The following ELMO1 variants were observed in gnomAD, a reference collection of about 807,000 sequenced individuals.
The protein encoded by ELMO1 is engulfment and cell motility 1, also known as engulfment and cell motility protein 1.
In ELMO1, 26 loss-of-function variants were observed where a neutral mutation model predicts 98.9. The ratio of observed to expected loss-of-function variants is 0.26; its 90% CI spans 0.19 to 0.36. The LOEUF is 0.36. Among genes scored for constraint, ELMO1 ranks in the 10% least tolerant of loss-of-function variants. The pLI is 1.00. For missense variants in ELMO1, 627 were observed against 935.2 expected, an observed-to-expected ratio of 0.67 and a Z score of 4.30; for synonymous variants, 346 against 346.0, an observed-to-expected ratio of 1.00 and a Z score of 0.00.
intron 2 of ELMO1, among the ~76,000 whole-genome samples, chr7:37,319,600 G>A (rs138834216): frequency 0.011 from 1,604 of 152,164 alleles, 12 homozygotes; most frequent in Non-Finnish European, 0.017. Context: ...CTTCCCTAGC[G>A]AATCAACCCA....
At chr7:37,075,450 C>A (rs1437547842) in intron 15 of ELMO1, among the ~76,000 whole-genome samples, 1 of 152,056 alleles carries the variant, frequency 6.6e-6, no homozygotes, top group African/African-American at 2.4e-5. Context: ...CCACCACGCC[C>A]GGCCTCATTA....
At chr7:37,335,038 G>T (rs1384877927) in intron 2 of ELMO1, among the ~76,000 whole-genome samples, 1 of 152,180 alleles carries the variant, frequency 6.6e-6, no homozygotes, top group Non-Finnish European at 1.5e-5. Flanking sequence ...GGATACAAAT[G>T]TATGTAAGCC....
rs1805145690 is a variant in ELMO1, at chr7:36,887,675, G to A, written c.1602-3C>T. 3.7e-6 allele frequency: 6 copies of A among 1,613,550 alleles called. No individual in the cohort carries two copies. The highest frequency in any genetic ancestry group is 5.1e-6 in the Non-Finnish European group (6 of 1,179,664). On this transcript the variant is annotated splice_region_variant and splice_polypyrimidine_tract_variant and intron_variant, in intron 17 of 21. Coordinates refer to ENST00000310758, the MANE Select transcript of ELMO1 (RefSeq NM_014800.11). ...GCTGAATCTTCTCCTTTAGTTCCCT[G>A]TTAGAGGAAAAACACATATTCCACA...
At chr7:36,911,568 T>C (rs1449569609) in intron 16 of ELMO1, among the ~76,000 whole-genome samples, 1 of 152,220 alleles carries the variant, frequency 6.6e-6, no homozygotes, top group Non-Finnish European at 1.5e-5. Context: ...ATAAGCTCTT[T>C]AAGCAGGTTT....
chr7:36,929,907 G>T (rs1009949897), intron 16 of ELMO1, among the ~76,000 whole-genome samples: 1 of 152,116 alleles, frequency 6.6e-6, no homozygotes, highest in Non-Finnish European at 1.5e-5. Context: ...ATATCCCTTC[G>T]GGAGCAATTG....
intron 13 of ELMO1, among the ~76,000 whole-genome samples, chr7:37,167,175 G>C (rs1367829516): frequency 6.7e-6 from 1 of 150,342 alleles, no homozygotes; most frequent in South Asian, 2.1e-4. Flanking sequence ...GCCTTTTTTT[G>C]TTTTCCATTT....
chr7:37,354,021 T>G (rs1222529089), intron 1 of ELMO1, among the ~76,000 whole-genome samples: 1 of 152,234 alleles, frequency 6.6e-6, no homozygotes, highest in African/African-American at 2.4e-5. Context: ...CAGTTTCTCT[T>G]AAAGATCTCC....
At chr7:37,160,165 G>C (rs1789103590) in intron 13 of ELMO1, among the ~76,000 whole-genome samples, 1 of 152,176 alleles carries the variant, frequency 6.6e-6, no homozygotes, top group African/African-American at 2.4e-5. Context: ...CAGTGATTAT[G>C]CTATCTTCTC....
At chr7:37,373,258 A>C (rs1047890959) in intron 1 of ELMO1, among the ~76,000 whole-genome samples, 1 of 152,140 alleles carries the variant, frequency 6.6e-6, no homozygotes, top group African/African-American at 2.4e-5. Context: ...ATCAATTTAC[A>C]CTTCTGTAGT....
At chr7:37,433,016 T>C (rs1261366136) in intron 1 of ELMO1, among the ~76,000 whole-genome samples, 1 of 152,200 alleles carries the variant, frequency 6.6e-6, no homozygotes, top group Non-Finnish European at 1.5e-5. Context: ...GGAATGACAC[T>C]AAGGCAGTAA....
At chr7:37,316,029 A>C in intron 2 of ELMO1, 69 bp from the exon 3 acceptor site, 1 of 1,236,442 alleles carries the variant, frequency 8.1e-7, no homozygotes, top group Non-Finnish European at 1.1e-6. Flanking sequence ...AAAAAGAAGA[A>C]GCTTCATAAA....
chr7:36,872,572 G>C (rs958286743), intron 19 of ELMO1, among the ~76,000 whole-genome samples: 3 of 152,144 alleles, frequency 2.0e-5, no homozygotes, highest in African/African-American at 4.8e-5. Context: ...TCTTCCTGTG[G>C]GTGGTCCCTA....
At chr7:37,081,113 C>T (rs1018243439) in intron 15 of ELMO1, among the ~76,000 whole-genome samples, 1 of 152,018 alleles carries the variant, frequency 6.6e-6, no homozygotes, top group African/African-American at 2.4e-5. Context: ...TGCTATAGCC[C>T]CAGTGCTAAC....
At chr7:36,972,162 A>T (rs1005658602) in intron 16 of ELMO1, among the ~76,000 whole-genome samples, 1 of 152,172 alleles carries the variant, frequency 6.6e-6, no homozygotes, top group African/African-American at 2.4e-5. Context: ...AGGTATTATT[A>T]TTCTATTTTA....
intron 4 of ELMO1, among the ~76,000 whole-genome samples, chr7:37,306,461 G>C (rs1191387959): frequency 6.6e-6 from 1 of 152,210 alleles, no homozygotes; most frequent in African/African-American, 2.4e-5. Context: ...CCTCAGCTCA[G>C]GGAGTGCATG....
chr7:36,900,596 G>A (rs1215333631), intron 16 of ELMO1, among the ~76,000 whole-genome samples: 3 of 152,198 alleles, frequency 2.0e-5, no homozygotes. Context: ...CCAGGGCAGA[G>A]TTGGAAGGGG....
chr7:36,877,418 A>T (rs1197781367), intron 19 of ELMO1, among the ~76,000 whole-genome samples: 2 of 152,246 alleles, frequency 1.3e-5, no homozygotes, highest in Admixed American at 1.3e-4. Flanking sequence ...AGAATCCTGC[A>T]CATTACTGTC....
In ELMO1 at chr7:37,259,261, G is replaced by A. The variant is rs1383315199; in HGVS notation, c.333C>T (p.Ser111=). The change falls in exon 6 of 22, where the codon TCC becomes TCT. Residue 111 remains serine (S), a synonymous_variant. Coordinates refer to ENST00000310758, the MANE Select transcript of ELMO1 (RefSeq NM_014800.11). ...ACTCCTGGGCAAACGTGACATCCCG[G>A]GAGAGGCTGGCCAAGTCCTTCAGGG... ...LEALKDLASL[S]RDVTFAQEFI... is the part of the protein sequence containing the mutation. 8.1e-6 allele frequency: 13 copies of A among 1,614,032 alleles called. No individual in the cohort carries two copies. The highest frequency in any genetic ancestry group is 1.0e-5 in the Non-Finnish European group (12 of 1,180,024).
chr7:37,058,489 C>T (rs1375559646), intron 15 of ELMO1, among the ~76,000 whole-genome samples: 1 of 152,104 alleles, frequency 6.6e-6, no homozygotes, highest in African/African-American at 2.4e-5. Flanking sequence ...GGGGGACATG[C>T]CAACCAGAAG....
Sources: allele counts gnomAD v4.1 joint callset (sites outside exome capture counted in the v4.1 genomes callset), GRCh38; gene constraint gnomAD v4.1.1; transcripts MANE v1.5; gene names NCBI Gene and HGNC (gene_info 2026-07-23, HGNC 2026-07-21).